Variants in PAM16 observed in about 807,000 individuals in gnomAD.
PAM16 encodes presequence translocase associated motor 16.
PAM16 carries 11 observed loss-of-function variants against 17.9 expected under a neutral mutation model. The ratio of observed to expected loss-of-function variants is 0.62; its 90% CI spans 0.39 to 1.02. PAM16 has a LOEUF of 1.02. PAM16 is among the 50% of genes least tolerant of loss of function. The probability of loss-of-function intolerance (pLI) is 0.01; values close to 1 mark genes in which losing one functional copy is unlikely to be tolerated. For synonymous variants in PAM16, 72 were observed against 67.4 expected (o/e 1.07, Z -0.34); for missense variants, 199 against 165.4 (o/e 1.20, Z -1.11).
Position 4,341,364 on chromosome 16 carries a change from T to G in PAM16, c.225+4A>C. The G allele has an allele frequency of 6.4e-7, 1 of 1,570,984 alleles. No homozygotes were observed. The stretch of plus-strand genomic sequence containing the variant: ...CAAACTTTGGGGTGGCCCAGTGGCC[T>G]CACCTTCTGGACCTCCTCAGGGCTC... On this transcript the variant is annotated splice_donor_region_variant and intron_variant, in intron 3 of 4. Transcript: ENST00000318059.
chr16:4,340,892 A>C (rs2141140433), intron 4 of PAM16, 28 bp downstream of exon 4: 3 of 1,612,642 alleles, frequency 1.9e-6, no homozygotes, highest in Non-Finnish European at 2.5e-6. Flanking sequence ...CCATGACTTC[A>C]TTCCTCCCAG....
intron 1 of PAM16, chr16:4,345,559 G>A (rs944173872): frequency 6.6e-6 from 1 of 152,210 alleles, no homozygotes; most frequent in Non-Finnish European, 1.5e-5. Flanking sequence ...AGCCTCCGAG[G>A]ACCTGCTCTT....
At chr16:4,342,278 A>G (rs1347725712) in intron 2 of PAM16, among the ~76,000 whole-genome samples, 1 of 152,174 alleles carries the variant, frequency 6.6e-6, no homozygotes, top group Non-Finnish European at 1.5e-5. Context: ...GCATTGCTTG[A>G]ACCCGGGAGG....
intron 1 of PAM16, among the ~76,000 whole-genome samples, chr16:4,350,257 G>C (rs763272041): frequency 2.0e-5 from 3 of 151,358 alleles, no homozygotes; most frequent in Non-Finnish European, 4.4e-5. Context: ...TGGGATTACA[G>C]GTGTGTGCCA....
rs2053624447 is a variant in PAM16 at position 4,340,403 on chromosome 16, C to T, written c.294G>A (p.Val98=). 6.2e-7 allele frequency: 1 copy of T among 1,611,832 alleles called. No homozygotes were observed. ...VGGSFYLQSK[V]VRAKERLDEE... ...CATCCAGGCGCTCCTTTGCGCGGAC[C>T]ACCTAGTGGGTCACGGATAATCAGG... is the stretch of plus-strand genomic sequence containing the variant. Residue 98 remains valine, a splice_region_variant and synonymous_variant, in exon 5 of 5, where the codon GTG becomes GTA. Transcript: ENST00000318059.
In PAM16 at chr16:4,341,426, A is replaced by T; in HGVS notation, c.167T>A (p.Leu56His). ...AAASNLSGLS[L>H]QEAQQILNVS... is the part of the protein sequence containing the mutation. ...GTTGAGAATCTGCTGTGCCTCCTGG[A>T]GGCTGAGGCCGGAGAGGTTGGAAGC... The change falls in exon 3 of 5, where the codon CTC (leucine) becomes CAC (histidine). Residue 56 changes from leucine (L) to histidine (H), a missense_variant. Transcript: ENST00000318059. 1 of 1,606,330 alleles carries T rather than the reference A, an allele frequency of 6.2e-7. No homozygotes were observed. The highest frequency in any genetic ancestry group is 8.5e-7 in the Non-Finnish European group (1 of 1,177,214).
intron 1 of PAM16, 28 bp downstream of exon 1, chr16:4,351,204 C>T (rs768473293): frequency 1.2e-5 from 16 of 1,375,132 alleles, no homozygotes; most frequent in South Asian, 1.8e-5. Context: ...GGCTTCCCCT[C>T]CCCGGTAGCG....
At position 4,341,417 on chromosome 16, in the gene PAM16, G is replaced by A; in HGVS notation, c.176C>T (p.Ala59Val). 1.2e-6 allele frequency: 2 copies of A among 1,603,026 alleles called. No homozygotes were observed. Among genetic ancestry groups the A allele is most frequent in the Non-Finnish European group, 1.7e-6 (2 of 1,175,514 alleles). Reference sequence around the variant, plus strand: ...CTTGGACACGTTGAGAATCTGCTGTGCCTCCTGGAGGCTGAGGCCGGAGAG... The same window carrying A: ...CTTGGACACGTTGAGAATCTGCTGTACCTCCTGGAGGCTGAGGCCGGAGAG... The part of the protein sequence containing the change: ...SNLSGLSLQE[A>V]QQILNVSKLS... Residue 59 changes from alanine (A) to valine (V), a missense_variant, in exon 3 of 5, where the codon GCA becomes GTA. Physicochemically the swap from Ala to Val is moderately conservative, Grantham distance 64 (BLOSUM62 0). Coordinates refer to ENST00000318059, the MANE Select transcript of PAM16 (RefSeq NM_016069.11).
At chr16:4,342,898 C>A (rs1031422371) in intron 2 of PAM16, among the ~76,000 whole-genome samples, 6 of 152,160 alleles carry the variant, frequency 3.9e-5, no homozygotes, top group Non-Finnish European at 8.8e-5. Flanking sequence ...GCAGAGGTTG[C>A]AGTGAGCCAA....
rs967975600 is a variant in PAM16, at chr16:4,349,737, A to T, written c.3+1495T>A. 3.9e-5 allele frequency among the ~76,000 whole-genome samples: 6 copies of T among 152,262 alleles called. No individual in the cohort carries two copies. The East Asian group carries it at 7.7e-4, about 20-fold the overall frequency. ...AGCTAGGATCGCTCCACTGCATCCT[A>T]GCCGGGGCGACAGACAGACATCCTA... is the stretch of plus-strand genomic sequence containing the variant. On this transcript the variant is annotated intron_variant, in intron 1 of 4. Transcript: ENST00000318059.
At chr16:4,343,036 C>T (rs2053673570) in intron 2 of PAM16, among the ~76,000 whole-genome samples, 171 bp downstream of exon 2, 1 of 152,244 alleles carries the variant, frequency 6.6e-6, no homozygotes, top group Admixed American at 6.5e-5. Context: ...GATGCTCTTG[C>T]TAACCAGGTA....
chr16:4,340,445 C>G (rs1475969670), intron 4 of PAM16, 40 bp from the exon 5 acceptor site: 1 of 1,598,092 alleles, frequency 6.3e-7, no homozygotes. Flanking sequence ...GGCCAAGCCT[C>G]CGCCCCATAC....
chr16:4,344,430 C>CTGTGAG (rs2053709468), intron 1 of PAM16, among the ~76,000 whole-genome samples: 3 of 11,196 alleles, frequency 2.7e-4, no homozygotes, highest in Non-Finnish European at 4.6e-4. Flanking sequence ...GACTGTGTGA[C>CTGTGAG]AGGAGGGGGT....
chr16:4,340,265 T>G lies in PAM16; in HGVS notation c.*54A>C, dbSNP rs1567227964. 6.4e-7 allele frequency: 1 copy of G among 1,568,676 alleles called. No homozygotes were observed. On this transcript the variant is annotated 3_prime_UTR_variant, in exon 5 of 5. Transcript: ENST00000318059. ...CAAACGAGAAATGCAGAAAAGAAAT[T>G]TATTACCAAGCTATAAATTAGAGGC...
At chr16:4,350,391 A>G (rs2053831469) in intron 1 of PAM16, among the ~76,000 whole-genome samples, 1 of 150,494 alleles carries the variant, frequency 6.6e-6, no homozygotes, top group South Asian at 2.1e-4. Flanking sequence ...TATACGGTAT[A>G]TATAATACAT....
chr16:4,349,972 C>T lies in PAM16; in HGVS notation c.3+1260G>A, dbSNP rs141660222. ...TAAAGCCTTAGCTCAGGGGCTGGCA[C>T]TTGTACGCCGTTAGCTGTTACATTA... On this transcript the variant is annotated intron_variant, in intron 1 of 4. Transcript: ENST00000318059. Among the ~76,000 whole-genome samples, 58 of 152,214 alleles carry T rather than the reference C, an allele frequency of 3.8e-4. No individual in the cohort carries two copies. The East Asian group carries it at 8.3e-3, about 22-fold the overall frequency.
chr16:4,350,116 TC>T (rs869055624), intron 1 of PAM16, among the ~76,000 whole-genome samples: 3 of 151,972 alleles, frequency 2.0e-5, no homozygotes, highest in East Asian at 1.9e-4. Flanking sequence ...ACTTTTTTTT[TC>T]CCCCTCTTTT....
chr16:4,347,950 C>A (rs140073100), intron 1 of PAM16: 1 of 152,384 alleles, frequency 6.6e-6, no homozygotes, highest in Non-Finnish European at 1.5e-5. Flanking sequence ...GCTGGGACCA[C>A]AGACAGTGCT....
Position 4,340,390 on chromosome 16 carries a change from C to G in PAM16, c.307G>C (p.Glu103Gln). Residue 103 changes from glutamate (E) to glutamine (Q), a missense_variant, in exon 5 of 5, where the codon GAG becomes CAG. Glu to Gln is a conservative substitution (Grantham distance 29). Transcript: ENST00000318059. ...YLQSKVVRAK[E>Q]RLDEELKIQA... ...ATTTTGAGTTCCTCATCCAGGCGCT[C>G]CTTTGCGCGGACCACCTAGTGGGTC... is the stretch of plus-strand genomic sequence containing the variant. The G allele has an allele frequency of 1.2e-6, 2 of 1,612,432 alleles. No individual in the cohort carries two copies. The highest frequency in any genetic ancestry group is 1.7e-6 in the Non-Finnish European group (2 of 1,179,900).
Sources: gnomAD v4.1 joint callset for allele counts (sites outside exome capture counted in the v4.1 genomes callset) on GRCh38, gnomAD v4.1.1 for gene constraint, MANE v1.5 for transcripts, NCBI Gene and HGNC (gene_info 2026-07-23, HGNC 2026-07-21) for gene names.